The following FAM53B variants were observed in gnomAD, a reference collection of about 807,000 sequenced individuals.
FAM53B encodes protein FAM53B.
A neutral mutation model predicts 32.7 loss-of-function variants in FAM53B; 12 were observed. That is an observed-to-expected ratio of 0.37 (90% CI 0.24 to 0.59). The LOEUF is 0.59. Ranked by LOEUF, FAM53B falls within the 20% of genes least tolerant of loss-of-function variation. The pLI, the probability that FAM53B is intolerant of heterozygous loss-of-function variation, is 0.72. For synonymous variants in FAM53B, 234 were observed against 228.7 expected (o/e 1.02, Z -0.21); for missense variants, 477 against 577.7 (o/e 0.83, Z 1.79).
At chr10:124,670,328 C>A (rs1419453129) in intron 4 of FAM53B, among the ~76,000 whole-genome samples, 1 of 152,148 alleles carries the variant, frequency 6.6e-6, no homozygotes, top group Non-Finnish European at 1.5e-5. Context: ...TGCGGTCGAA[C>A]CCCCAAGGTG....
At chr10:124,695,680 G>A (rs1407241075) in intron 3 of FAM53B, among the ~76,000 whole-genome samples, 1 of 152,088 alleles carries the variant, frequency 6.6e-6, no homozygotes, top group Non-Finnish European at 1.5e-5. Context: ...TAAAATGCAT[G>A]GAATGAACAA....
intron 1 of FAM53B, among the ~76,000 whole-genome samples, chr10:124,722,631 T>C (rs1446196955): frequency 1.3e-5 from 2 of 152,232 alleles, no homozygotes; most frequent in South Asian, 2.1e-4. Context: ...AAACGAGATA[T>C]TGACTTTCAC....
intron 4 of FAM53B, among the ~76,000 whole-genome samples, chr10:124,630,045 C>T (rs1949380527): frequency 6.6e-6 from 1 of 152,250 alleles, no homozygotes; most frequent in African/African-American, 2.4e-5. Context: ...TGGTCTTCTG[C>T]TGCTGCCCAG....
intron 1 of FAM53B, among the ~76,000 whole-genome samples, chr10:124,717,738 T>C (rs1370552531): frequency 6.6e-6 from 1 of 152,212 alleles, no homozygotes; most frequent in African/African-American, 2.4e-5. Flanking sequence ...AGGGGCATCT[T>C]GGTGTCTTTC....
At position 124,706,688 on chromosome 10, in the gene FAM53B, A is replaced by C. The variant is rs1949961353; in HGVS notation, c.26T>G (p.Leu9Arg). 1 of 1,614,050 alleles carries C rather than the reference A, an allele frequency of 6.2e-7. No individual in the cohort carries two copies. The highest frequency in any genetic ancestry group is 8.5e-7 in the Non-Finnish European group (1 of 1,180,022). Residue 9 changes from leucine to arginine, a missense_variant, in exon 2 of 5, where the codon CTC becomes CGC. By Grantham distance (102) the Leu-to-Arg change is moderately radical. Around this residue, in one of 2 missense-constraint regions of FAM53B, gnomAD observed 312 missense variants for 420.2 expected, o/e 0.74. Coordinates refer to ENST00000337318, the MANE Select transcript of FAM53B (RefSeq NM_014661.4). MVMVLSESLSTRGADSIAC... is the reference protein window; with the variant it reads MVMVLSESRSTRGADSIAC... The stretch of plus-strand genomic sequence containing the variant: ...AATGGAGTCAGCTCCCCGGGTGCTG[A>C]GGCTTTCACTTAGGACCATCACCAT...
At chr10:124,737,368 C>T (rs1463907611) in intron 1 of FAM53B, among the ~76,000 whole-genome samples, 1 of 152,152 alleles carries the variant, frequency 6.6e-6, no homozygotes, top group African/African-American at 2.4e-5. Context: ...AAGGTTTCAG[C>T]ACCTTCCATT....
chr10:124,666,800 A>G (rs1185166919), intron 4 of FAM53B, among the ~76,000 whole-genome samples: 1 of 152,220 alleles, frequency 6.6e-6, no homozygotes, highest in Non-Finnish European at 1.5e-5. Context: ...AGGAGGGTGG[A>G]GCAGGTGAGC....
chr10:124,643,129 C>T (rs1023757426), intron 4 of FAM53B, among the ~76,000 whole-genome samples: 7 of 152,150 alleles, frequency 4.6e-5, no homozygotes, highest in South Asian at 4.1e-4. Context: ...CCTAGATGGC[C>T]GACAGGAAAT....
intron 4 of FAM53B, among the ~76,000 whole-genome samples, chr10:124,658,515 A>C (rs1949610065): frequency 6.6e-6 from 1 of 152,240 alleles, no homozygotes; most frequent in African/African-American, 2.4e-5. Context: ...TCTAGGAGAC[A>C]CAAGCATATT....
Position 124,735,350 on chromosome 10 carries a change from A to C in FAM53B, c.-175+8663T>G, listed in dbSNP as rs967170288. ...TTTAACGTTCTATGCTTAGGAGCAA[A>C]AGTAAATCACTTTTGGTAAAAAAAG... On this transcript the variant is annotated intron_variant, in intron 1 of 4. Coordinates refer to ENST00000337318, the MANE Select transcript of FAM53B (RefSeq NM_014661.4). 4.6e-5 allele frequency among the ~76,000 whole-genome samples: 7 copies of C among 152,208 alleles called. No homozygotes were observed. The South Asian group carries it at 8.3e-4, about 18-fold the overall frequency.
chr10:124,676,651 C>A (rs573972527), intron 4 of FAM53B, among the ~76,000 whole-genome samples: 1 of 152,250 alleles, frequency 6.6e-6, no homozygotes, highest in Non-Finnish European at 1.5e-5. Flanking sequence ...ACCTGTCCAG[C>A]AAAGAGCTGC....
intron 4 of FAM53B, among the ~76,000 whole-genome samples, chr10:124,635,586 GA>G: frequency 6.6e-6 from 1 of 152,350 alleles, no homozygotes; most frequent in South Asian, 2.1e-4. Flanking sequence ...AAACCACCCT[GA>G]ACGTGGCCCT....
intron 4 of FAM53B, among the ~76,000 whole-genome samples, chr10:124,677,437 C>T (rs1401275285): frequency 1.3e-5 from 2 of 152,238 alleles, no homozygotes; most frequent in Non-Finnish European, 1.5e-5. Context: ...CCCACGGGGC[C>T]GGGCTTGCGC....
At position 124,733,563 on chromosome 10, in the gene FAM53B, T is replaced by G. The variant is rs183314201; in HGVS notation, c.-175+10450A>C. 6.6e-4 allele frequency among the ~76,000 whole-genome samples: 101 copies of G among 152,352 alleles called. No homozygotes were observed. In the South Asian group the frequency reaches 0.017, roughly 25 times the overall value. ...TAGTTTTACACTGAATCAGACTGTT[T>G]CAACTCACACAACGCCAGAACTTTG... On this transcript the variant is annotated intron_variant, in intron 1 of 4. Transcript: ENST00000337318. The surrounding 1 kb of genome is among the most constrained non-coding windows in gnomAD (Gnocchi z 4.3).
At chr10:124,688,851 C>G (rs1371545754) in intron 3 of FAM53B, among the ~76,000 whole-genome samples, 1 of 152,160 alleles carries the variant, frequency 6.6e-6, no homozygotes, top group Non-Finnish European at 1.5e-5. Flanking sequence ...GCTCCAGATT[C>G]TTGGGGGACT....
chr10:124,670,315 G>A (rs377737558), intron 4 of FAM53B, among the ~76,000 whole-genome samples: 41 of 152,270 alleles, frequency 2.7e-4, no homozygotes, highest in Non-Finnish European at 3.4e-4. Context: ...CCCTGGGGCC[G>A]TCTGCGGTCG....
intron 1 of FAM53B, among the ~76,000 whole-genome samples, chr10:124,714,834 C>A (rs556992912): frequency 6.6e-6 from 1 of 152,078 alleles, no homozygotes; most frequent in African/African-American, 2.4e-5. Context: ...TGACACAGAG[C>A]CTACCTTTTA....
rs925111047 is a variant in FAM53B, at chr10:124,660,963, T to C, written c.906+20644A>G. 2.6e-4 allele frequency among the ~76,000 whole-genome samples: 39 copies of C among 151,850 alleles called. 1 individual carries two copies. Among genetic ancestry groups the C allele is most frequent in the Admixed American group, 2.2e-3 (33 of 15,250 alleles). ...ACATATTGGGTACAATGTACACTAC[T>C]TGAGTGACAGGTGCACTAAAATCTC... On this transcript the variant is annotated intron_variant, in intron 4 of 4. Coordinates refer to ENST00000337318, the MANE Select transcript of FAM53B (RefSeq NM_014661.4).
At position 124,654,186 on chromosome 10, in the gene FAM53B, T is replaced by C. The variant is rs1262344075; in HGVS notation, c.906+27421A>G. Among the ~76,000 whole-genome samples, 4 of 152,156 alleles carry C rather than the reference T, an allele frequency of 2.6e-5. No homozygotes were observed. The East Asian group carries it at 7.7e-4, about 29-fold the overall frequency. On this transcript the variant is annotated intron_variant, in intron 4 of 4. Coordinates refer to ENST00000337318, the MANE Select transcript of FAM53B (RefSeq NM_014661.4). Reference sequence around the variant, plus strand: ...TAATTAGGAAGCATTGTGAGAAAAATGCATGTTGTGAATGAAACGCTGCGC... The same window carrying C: ...TAATTAGGAAGCATTGTGAGAAAAACGCATGTTGTGAATGAAACGCTGCGC...
Sources: gnomAD v4.1 joint callset for allele counts (sites outside exome capture counted in the v4.1 genomes callset) on GRCh38, gnomAD v4.1.1 for gene constraint, gnomAD v4.1.1 regional missense constraint, Gnocchi (gnomAD v3.1) non-coding constraint, MANE v1.5 for transcripts, NCBI Gene and HGNC (gene_info 2026-07-23, HGNC 2026-07-21) for gene names.